The following SV2C variants were observed in gnomAD, a reference collection of about 807,000 sequenced individuals.
SV2C encodes the protein synaptic vesicle glycoprotein 2C, also known as solute carrier family 22 member B3.
A neutral mutation model predicts 79.7 loss-of-function variants in SV2C; 49 were observed. The observed-to-expected ratio is 0.61, with a 90% CI of 0.49 to 0.78. The LOEUF (loss-of-function observed/expected upper bound fraction) is 0.78. SV2C is among the 30% of genes least tolerant of loss of function. The pLI is 0.00. For synonymous variants in SV2C, 334 were observed against 333.2 expected (o/e 1.00, Z -0.03); for missense variants, 833 against 912.9 (o/e 0.91, Z 1.13).
At chr5:76,151,417 C>T (rs1159931026) in intron 2 of SV2C, among the ~76,000 whole-genome samples, 1 of 152,114 alleles carries the variant, frequency 6.6e-6, no homozygotes, top group Non-Finnish European at 1.5e-5. Flanking sequence ...AGAAGAGTGA[C>T]ATGGTGAAAT....
chr5:75,955,950 A>G, the SV2C span, among the ~76,000 whole-genome samples: 1 of 151,772 alleles, frequency 6.6e-6, no homozygotes, highest in South Asian at 2.1e-4. Flanking sequence ...TGTTGGTGGG[A>G]CTGTAAACTA....
chr5:76,194,247 T>C (rs1744198538), intron 2 of SV2C, among the ~76,000 whole-genome samples: 1 of 152,208 alleles, frequency 6.6e-6, no homozygotes, highest in Non-Finnish European at 1.5e-5. Context: ...GCTCCTGATC[T>C]ATAAAAGCTC....
At chr5:76,097,381 C>T (rs928013467) in intron 1 of SV2C, among the ~76,000 whole-genome samples, 13 of 152,264 alleles carry the variant, frequency 8.5e-5, no homozygotes, top group African/African-American at 3.1e-4. Flanking sequence ...ATCATTTCTG[C>T]ATATCACATT....
At chr5:76,054,773 T>G in the SV2C span, among the ~76,000 whole-genome samples, 1 of 152,226 alleles carries the variant, frequency 6.6e-6, no homozygotes, top group Admixed American at 6.5e-5. Context: ...TATATGTTTG[T>G]TGGCTGCATA....
At chr5:76,152,170 T>C (rs956938640) in intron 2 of SV2C, among the ~76,000 whole-genome samples, 3 of 152,206 alleles carry the variant, frequency 2.0e-5, no homozygotes, top group African/African-American at 2.4e-5. Flanking sequence ...GCAGTGGCCA[T>C]GAGAAAGCTG....
chr5:76,335,629 G>C (rs1009265947), downstream of SV2C, among the ~76,000 whole-genome samples: 3 of 151,842 alleles, frequency 2.0e-5, no homozygotes, highest in South Asian at 2.1e-4. Context: ...GACTCTTAAC[G>C]AGCATGCTGC....
At chr5:75,866,279 T>C in the SV2C span, among the ~76,000 whole-genome samples, 4 of 152,210 alleles carry the variant, frequency 2.6e-5, no homozygotes, top group African/African-American at 7.2e-5. Context: ...GTCAGTATTA[T>C]GTAGTTTTAT....
At chr5:75,875,239 A>G in the SV2C span, among the ~76,000 whole-genome samples, 1 of 152,172 alleles carries the variant, frequency 6.6e-6, no homozygotes, top group Non-Finnish European at 1.5e-5. Flanking sequence ...AGGCACATAG[A>G]CCAATAGAAC....
the SV2C span, among the ~76,000 whole-genome samples, chr5:75,926,716 T>C: frequency 6.6e-6 from 1 of 152,220 alleles, no homozygotes; most frequent in African/African-American, 2.4e-5. Context: ...GCATATGATC[T>C]GTATTCCTGC....
chr5:76,300,156 A>AATTATTATTATT (rs142593511), intron 10 of SV2C, among the ~76,000 whole-genome samples: 7,551 of 139,608 alleles, frequency 0.054, 222 homozygotes, highest in African/African-American at 0.079. Context: ...TCAAATAAAA[A>AATTATTATTATT]ATTATTATTA....
At chr5:76,078,610 C>G (rs914454501), upstream of SV2C, 2 of 387,774 alleles carry the variant, frequency 5.2e-6, no homozygotes, top group African/African-American at 4.2e-5. Flanking sequence ...GCCCCTACCC[C>G]CTGGCTCCCA....
chr5:76,054,708 T>C, the SV2C span, among the ~76,000 whole-genome samples: 2 of 152,236 alleles, frequency 1.3e-5, no homozygotes, highest in Non-Finnish European at 2.9e-5. Flanking sequence ...AGGTTTTATC[T>C]CATTGTGGTT....
chr5:75,861,824 G>A, the SV2C span, among the ~76,000 whole-genome samples: 11 of 152,174 alleles, frequency 7.2e-5, no homozygotes. Flanking sequence ...AGAAGGGGAA[G>A]AGAGAGAGGA....
chr5:76,121,144 T>G (rs1476123133), intron 1 of SV2C, among the ~76,000 whole-genome samples: 1 of 151,860 alleles, frequency 6.6e-6, no homozygotes, highest in Admixed American at 6.5e-5. Flanking sequence ...TTTCATGTCT[T>G]TTTTGGCTGC....
At chr5:76,343,564 C>G (rs977693901) in intron 12 of SV2C, among the ~76,000 whole-genome samples, 1 of 152,128 alleles carries the variant, frequency 6.6e-6, no homozygotes, top group Admixed American at 6.6e-5. Context: ...ACTGATAATA[C>G]CATGTGCTGA....
chr5:76,197,083 A>C (rs1157260954), intron 3 of SV2C, among the ~76,000 whole-genome samples: 1 of 152,240 alleles, frequency 6.6e-6, no homozygotes, highest in Non-Finnish European at 1.5e-5. Flanking sequence ...ATTATCATGG[A>C]GTCTTAGGAA....
the SV2C span, among the ~76,000 whole-genome samples, chr5:75,889,969 C>G: frequency 6.6e-6 from 1 of 151,822 alleles, no homozygotes; most frequent in Admixed American, 6.6e-5. Context: ...TTTCAGTCAC[C>G]CTAATTTTGA....
At chr5:76,025,029 G>A in the SV2C span, among the ~76,000 whole-genome samples, 5 of 152,120 alleles carry the variant, frequency 3.3e-5, no homozygotes, top group East Asian at 3.9e-4. Context: ...TGCTGCCTTC[G>A]GGAAGCTGCT....
At chr5:76,299,018 C>A in intron 10 of SV2C, 91 bp downstream of exon 10, 2 of 1,380,504 alleles carry the variant, frequency 1.4e-6, no homozygotes, top group Non-Finnish European at 1.9e-6. Flanking sequence ...GAGGCTTATG[C>A]GGGAAGTGGA....
Sources: allele counts gnomAD v4.1 joint callset (sites outside exome capture counted in the v4.1 genomes callset), GRCh38; gene constraint gnomAD v4.1.1; transcripts MANE v1.5; gene names NCBI Gene and HGNC (gene_info 2026-07-23, HGNC 2026-07-21).